Variants in RTF2 observed in about 807,000 individuals in gnomAD.
RTF2 encodes UPF0549 protein C20orf43.
In RTF2, 18 loss-of-function variants were observed where a neutral mutation model predicts 38.0. That is an observed-to-expected ratio of 0.47 (90% CI 0.33 to 0.70). RTF2 has a LOEUF of 0.70. Ranked by LOEUF, RTF2 falls within the 30% of genes least tolerant of loss-of-function variation. RTF2 has a pLI of 0.02. For synonymous variants in RTF2, 126 were observed against 137.1 expected (o/e 0.92, Z 0.57); for missense variants, 311 against 379.6 (o/e 0.82, Z 1.50).
intron 5 of RTF2, among the ~76,000 whole-genome samples, chr20:56,507,335 C>T (rs550485595): frequency 7.8e-4 from 119 of 152,234 alleles, no homozygotes; most frequent in Non-Finnish European, 1.0e-3. Flanking sequence ...CTACCCAGAA[C>T]GAGTGATGGG....
chr20:56,489,827 T>G lies in RTF2; in HGVS notation c.477+5638T>G, dbSNP rs375560392. Among the ~76,000 whole-genome samples the G allele has an allele frequency of 3.3e-5, 5 of 152,366 alleles. 1 individual carries two copies. Among genetic ancestry groups the G allele is most frequent in the East Asian group, 1.9e-4 (1 of 5,194 alleles). ...GGGTTTACATTCAGTTGCTATTGAGTTATAAAATACCGGGGACATAATCGT... is the reference window on the plus strand; with the variant it reads ...GGGTTTACATTCAGTTGCTATTGAGGTATAAAATACCGGGGACATAATCGT... On this transcript the variant is annotated intron_variant, in intron 5 of 8. Transcript: ENST00000357348.
chr20:56,487,020 T>TA (rs1982832554), intron 5 of RTF2, among the ~76,000 whole-genome samples: 1 of 152,164 alleles, frequency 6.6e-6, no homozygotes, highest in Non-Finnish European at 1.5e-5. Context: ...TTCTAGTTCT[T>TA]AAGAGTTCTC....
chr20:56,499,370 A>G (rs1165576563), intron 5 of RTF2, among the ~76,000 whole-genome samples: 2 of 151,804 alleles, frequency 1.3e-5, no homozygotes, highest in Non-Finnish European at 2.9e-5. Context: ...TTTAGTAGAG[A>G]CAGGGTTTCA....
intron 3 of RTF2, among the ~76,000 whole-genome samples, chr20:56,475,035 G>A (rs1029676172): frequency 6.6e-6 from 1 of 152,154 alleles, no homozygotes; most frequent in Non-Finnish European, 1.5e-5. Context: ...AATGTTAGGA[G>A]GCATTATTTT....
chr20:56,516,276 T>C (rs1985037398), intron 6 of RTF2: 1 of 152,258 alleles, frequency 6.6e-6, no homozygotes, highest in South Asian at 2.1e-4. Flanking sequence ...GTCCTACTTG[T>C]CATTTCTGCG....
chr20:56,502,003 C>G (rs1244856415), intron 5 of RTF2, among the ~76,000 whole-genome samples: 1 of 152,176 alleles, frequency 6.6e-6, no homozygotes, highest in Non-Finnish European at 1.5e-5. Flanking sequence ...ATATCTGCAG[C>G]CTTTGAAAGG....
intron 5 of RTF2, chr20:56,496,967 G>C (rs1600815706): frequency 6.4e-7 from 1 of 1,551,656 alleles, no homozygotes; most frequent in East Asian, 2.4e-5. Context: ...TGATTTCTCT[G>C]TTGGTTTTGA....
intron 5 of RTF2, among the ~76,000 whole-genome samples, chr20:56,488,008 A>G (rs1204970621): frequency 6.6e-6 from 1 of 152,212 alleles, no homozygotes; most frequent in Non-Finnish European, 1.5e-5. Flanking sequence ...GGACTTCAAC[A>G]TATGGATTTT....
chr20:56,491,358 GT>G (rs1983112290), intron 5 of RTF2: 4 of 574,910 alleles, frequency 7.0e-6, no homozygotes, highest in East Asian at 5.9e-5. Flanking sequence ...GGTAGCTTGA[GT>G]TTTTTTGTCT....
At chr20:56,503,124 C>T (rs1017875981) in intron 5 of RTF2, among the ~76,000 whole-genome samples, 1 of 152,226 alleles carries the variant, frequency 6.6e-6, no homozygotes, top group Non-Finnish European at 1.5e-5. Context: ...GTCCTAAAGT[C>T]TCTGTAGCCA....
intron 5 of RTF2, among the ~76,000 whole-genome samples, chr20:56,487,329 C>T (rs1982847609): frequency 6.6e-6 from 1 of 152,166 alleles, no homozygotes; most frequent in African/African-American, 2.4e-5. Context: ...AAGCTTTCAA[C>T]AGTCTGTACC....
intron 4 of RTF2, among the ~76,000 whole-genome samples, chr20:56,482,132 A>G (rs1260469254): frequency 1.3e-5 from 2 of 152,198 alleles, no homozygotes; most frequent in African/African-American, 4.8e-5. Context: ...TATTGATAAG[A>G]GCCTCCACAC....
intron 5 of RTF2, among the ~76,000 whole-genome samples, chr20:56,508,493 A>G (rs1984425613): frequency 2.0e-5 from 3 of 152,168 alleles, no homozygotes; most frequent in Admixed American, 2.0e-4. Context: ...GAGTAACTAA[A>G]TATTTTAGTT....
chr20:56,472,684 T>C (rs1378185769), intron 1 of RTF2, among the ~76,000 whole-genome samples: 1 of 152,194 alleles, frequency 6.6e-6, no homozygotes, highest in Non-Finnish European at 1.5e-5. Flanking sequence ...TTTTTTCTCT[T>C]TTGTATGGCC....
At chr20:56,490,100 G>A (rs1600807617) in intron 5 of RTF2, among the ~76,000 whole-genome samples, 1 of 152,134 alleles carries the variant, frequency 6.6e-6, no homozygotes, top group Admixed American at 6.5e-5. Flanking sequence ...TTGATTTGTG[G>A]GATCTGTCTT....
chr20:56,469,008 C>T (rs894936000), intron 1 of RTF2, among the ~76,000 whole-genome samples: 1 of 152,162 alleles, frequency 6.6e-6, no homozygotes, highest in Non-Finnish European at 1.5e-5. Flanking sequence ...ATCACAATAG[C>T]CCTATAGCTA....
chr20:56,513,237 G>A, intron 5 of RTF2, 78 bp from the exon 6 acceptor site: 2 of 1,530,580 alleles, frequency 1.3e-6, no homozygotes, highest in Non-Finnish European at 8.8e-7. Context: ...ACTGCTTGGG[G>A]CTGAGAGTGG....
intron 5 of RTF2, among the ~76,000 whole-genome samples, chr20:56,496,329 C>T (rs1983529030): frequency 6.6e-6 from 1 of 152,196 alleles, no homozygotes. Context: ...AGGCGGATCA[C>T]CTGAGATCGG....
At chr20:56,474,848 AAAGACTG>A in intron 3 of RTF2, 77 bp downstream of exon 3, 1 of 943,488 alleles carries the variant, frequency 1.1e-6, no homozygotes, top group Non-Finnish European at 1.6e-6. Flanking sequence ...TATACGCCTT[AAAGACTG>A]AACTCAGAAA....
Sources: gnomAD v4.1 joint callset for allele counts (sites outside exome capture counted in the v4.1 genomes callset) on GRCh38, gnomAD v4.1.1 for gene constraint, MANE v1.5 for transcripts, NCBI Gene and HGNC (gene_info 2026-07-23, HGNC 2026-07-21) for gene names.